Variants in KLK11 observed in about 807,000 individuals in gnomAD.
KLK11 encodes kallikrein related peptidase 11.
In KLK11, 10 loss-of-function variants were observed where a neutral mutation model predicts 23.4. The ratio of observed to expected loss-of-function variants is 0.43; its 90% CI spans 0.26 to 0.73. KLK11 has a LOEUF of 0.73. Ranked by LOEUF, KLK11 falls within the 30% of genes least tolerant of loss-of-function variation. The pLI is 0.22. For synonymous variants in KLK11, 131 were observed against 131.7 expected (o/e 0.99, Z 0.03); for missense variants, 285 against 327.8 (o/e 0.87, Z 1.01).
At chr19:51,026,669 G>C, upstream of KLK11, 2 of 912,546 alleles carry the variant, frequency 2.2e-6, no homozygotes, top group Non-Finnish European at 2.6e-6. Flanking sequence ...GGGCGGCCCT[G>C]GGCGGGCCCA....
upstream of KLK11, chr19:51,027,706 C>A (rs1429464304): frequency 6.7e-6 from 4 of 592,608 alleles, no homozygotes; most frequent in East Asian, 2.9e-5. Flanking sequence ...CTATGACTAC[C>A]CTTATGACGT....
At chr19:51,026,087 A>G (rs1330054682) in intron 1 of KLK11, among the ~76,000 whole-genome samples, 1 of 152,110 alleles carries the variant, frequency 6.6e-6, no homozygotes, top group African/African-American at 2.4e-5. Context: ...ACCGTTCCGT[A>G]GCCACCCCTT....
intron 1 of KLK11, among the ~76,000 whole-genome samples, chr19:51,026,082 T>C: frequency 6.6e-6 from 1 of 152,142 alleles, no homozygotes; most frequent in Admixed American, 6.5e-5. Flanking sequence ...CAGACACCGT[T>C]CCGTAGCCAC....
At chr19:51,023,008 G>T (rs963159768) in intron 5 of KLK11, 84 bp downstream of exon 5, 26 of 1,468,204 alleles carry the variant, frequency 1.8e-5, no homozygotes, top group Non-Finnish European at 2.3e-5. Flanking sequence ...GCGGGTTGAG[G>T]TTGGGGATGA....
In KLK11 at chr19:51,025,586, G is replaced by T; in HGVS notation, c.40+6C>A. On this transcript the variant is annotated splice_donor_region_variant and intron_variant, in intron 2 of 5. Transcript: ENST00000453757. The surrounding 1 kb of genome is among the most constrained non-coding windows in gnomAD (Gnocchi z 6.2). ...GGATCCTGCCCTGCCCCCATCCCCT[G>T]CGTACCTGTTGCCAGAGCAAGCAGG... is the stretch of plus-strand genomic sequence containing the variant. The T allele has an allele frequency of 1.3e-6, 2 of 1,568,696 alleles. No individual in the cohort carries two copies. The highest frequency in any genetic ancestry group is 1.7e-6 in the Non-Finnish European group (2 of 1,154,592).
intron 4 of KLK11, 146 bp from the exon 5 acceptor site, chr19:51,023,374 T>A: frequency 1.2e-6 from 1 of 853,814 alleles, no homozygotes; most frequent in Non-Finnish European, 1.7e-6. Flanking sequence ...GCAACAGCAA[T>A]GCTATCCAGC....
chr19:51,024,599 A>G lies in KLK11; in HGVS notation c.197+39T>C. ...TCTCTCCATCCATCTCCCCATTCCC[A>G]GCCCCCCACCCCGGCACCGCCCCAG... On this transcript the variant is annotated intron_variant, in intron 3 of 5. Transcript: ENST00000453757. This position sits in a 1 kb window ranked among gnomAD's most constrained non-coding sequence, Gnocchi z 6.2. 7.6e-7 allele frequency: 1 copy of G among 1,322,764 alleles called. No individual in the cohort carries two copies. Among genetic ancestry groups the G allele is most frequent in the Non-Finnish European group, 1.0e-6 (1 of 981,612 alleles). The allele number at this position is 1,322,764 out of a possible 1,614,324, so 81.9% of individuals were successfully genotyped here.
chr19:51,024,514 C>A lies in KLK11; in HGVS notation c.197+124G>T. The stretch of plus-strand genomic sequence containing the variant: ...TCAATACCAACTCGAGCCCATCAAC[C>A]TTGCTGACACTACCCATCCCCATCT... On this transcript the variant is annotated intron_variant, in intron 3 of 5. Coordinates refer to ENST00000453757, the MANE Select transcript of KLK11 (RefSeq NM_001136032.3). This position sits in a 1 kb window ranked among gnomAD's most constrained non-coding sequence, Gnocchi z 6.2. 3.9e-6 allele frequency: 5 copies of A among 1,272,882 alleles called. No individual in the cohort carries two copies. In the South Asian group the frequency reaches 7.7e-5, roughly 20 times the overall value. 78.8% of individuals were successfully genotyped at this position (1,272,882 alleles called of 1,614,324 possible).
upstream of KLK11, chr19:51,027,277 G>A (rs761769692): frequency 1.6e-6 from 1 of 631,672 alleles, no homozygotes. Context: ...AGGCACAGGG[G>A]CAGGACCGGA....
At chr19:51,022,945 T>C in intron 5 of KLK11, 147 bp downstream of exon 5, 1 of 995,992 alleles carries the variant, frequency 1.0e-6, no homozygotes, top group Non-Finnish European at 1.5e-6. Context: ...AAGTTTGTGC[T>C]GAGGTCAGAA....
rs2091426680 is a variant in KLK11, at chr19:51,023,128, A to G, written c.564T>C (p.Cys188=). 8 of 1,612,668 alleles carry G rather than the reference A, an allele frequency of 5.0e-6. 1 individual carries two copies. The East Asian group carries it at 1.8e-4, about 36-fold the overall frequency. The change falls in exon 5 of 6, where the codon TGT becomes TGC. Residue 188 remains cysteine, a synonymous_variant. Coordinates refer to ENST00000453757, the MANE Select transcript of KLK11 (RefSeq NM_001136032.3). ...YPGNITDTMV[C]ASVQEGGKDS... is the part of the protein sequence containing the mutation. ...CCTTGCCCCCTTCCTGCACGCTGGC[A>G]CACACCATGGTGTCTGTGATGTTGC...
At position 51,024,240 on chromosome 19, in the gene KLK11, T is replaced by C; in HGVS notation, c.268A>G (p.Thr90Ala). The part of the protein sequence containing the change: ...EEGCEQTRTA[T>A]ESFPHPGFNN... ...AAGCCGGGGTGGGGGAAGGACTCAG[T>C]GGCTGTCCGGGTCTGCTCACAGCCC... Residue 90 changes from threonine (T) to alanine (A), a missense_variant, in exon 4 of 6, where the codon ACT becomes GCT. Thr to Ala is a moderately conservative substitution (Grantham distance 58). Coordinates refer to ENST00000453757, the MANE Select transcript of KLK11 (RefSeq NM_001136032.3). The surrounding 1 kb of genome is among the most constrained non-coding windows in gnomAD (Gnocchi z 6.2). 1 of 1,614,040 alleles carries C rather than the reference T, an allele frequency of 6.2e-7. No individual in the cohort carries two copies. Among genetic ancestry groups the C allele is most frequent in the Non-Finnish European group, 8.5e-7 (1 of 1,179,992 alleles).
In KLK11 at chr19:51,026,544, T is replaced by C; in HGVS notation, c.-42A>G. ...CCTTTCCTCCTGGACTCACAGGCTC[T>C]GGGGCTGGGGCTCTGGGGGCCCAGT... On this transcript the variant is annotated 5_prime_UTR_variant, in exon 1 of 6. Coordinates refer to ENST00000453757, the MANE Select transcript of KLK11 (RefSeq NM_001136032.3). 1.0e-6 allele frequency: 1 copy of C among 986,036 alleles called. No homozygotes were observed. The highest frequency in any genetic ancestry group is 1.2e-6 in the Non-Finnish European group (1 of 829,980). The allele number at this position is 986,036 out of a possible 1,614,324, so 61.1% of individuals were successfully genotyped here.
chr19:51,023,594 A>G (rs1422684375), intron 4 of KLK11: 4 of 225,954 alleles, frequency 1.8e-5, no homozygotes, highest in Non-Finnish European at 3.5e-5. Context: ...CACGTTGGCC[A>G]GGCTGGTATC....
At position 51,026,541 on chromosome 19, in the gene KLK11, C is replaced by A. The variant is rs762066979; in HGVS notation, c.-39G>T. On this transcript the variant is annotated 5_prime_UTR_variant, in exon 1 of 6. Transcript: ENST00000453757. ...TTCCCTTTCCTCCTGGACTCACAGGCTCTGGGGCTGGGGCTCTGGGGGCCC... is the reference window on the plus strand; with the variant it reads ...TTCCCTTTCCTCCTGGACTCACAGGATCTGGGGCTGGGGCTCTGGGGGCCC... The A allele has an allele frequency of 3.4e-4, 331 of 985,940 alleles. No homozygotes were observed. Among genetic ancestry groups the A allele is most frequent in the Non-Finnish European group, 3.9e-4 (327 of 829,976 alleles). 61.1% of individuals were successfully genotyped at this position (985,940 alleles called of 1,614,324 possible).
intron 1 of KLK11, 66 bp downstream of exon 1, chr19:51,026,472 A>G: frequency 1.4e-6 from 1 of 713,882 alleles, no homozygotes; most frequent in Non-Finnish European, 1.7e-6. Context: ...CGAGTGGGAC[A>G]GGTGTCCTTG....
chr19:51,027,293 G>C, upstream of KLK11: 1 of 690,452 alleles, frequency 1.4e-6, no homozygotes, highest in Non-Finnish European at 2.5e-6. Context: ...CCGGAGGGTG[G>C]GGGAGGCAGG....
rs768293022 is a variant in KLK11, at chr19:51,024,629, C to T, written c.197+9G>A. The T allele has an allele frequency of 1.9e-5, 29 of 1,533,420 alleles. 1 individual carries two copies. The highest frequency in any genetic ancestry group is 7.3e-5 in the South Asian group (6 of 81,690). 95.0% of individuals were successfully genotyped at this position (1,533,420 alleles called of 1,614,324 possible). A position where few individuals can be genotyped will look rare whatever the true frequency, so the allele number is the denominator to read the frequency against. On this transcript the variant is annotated intron_variant, in intron 3 of 5. Coordinates refer to ENST00000453757, the MANE Select transcript of KLK11 (RefSeq NM_001136032.3). The surrounding 1 kb of genome is among the most constrained non-coding windows in gnomAD (Gnocchi z 6.2). Reference sequence around the variant, plus strand: ...CCCACCCCGGCACCGCCCCAGCCCCCGCACCCACGGCTTGAGGCAGTGGGC... The same window carrying T: ...CCCACCCCGGCACCGCCCCAGCCCCTGCACCCACGGCTTGAGGCAGTGGGC...
chr19:51,024,472 C>T lies in KLK11; in HGVS notation c.198-162G>A. On this transcript the variant is annotated intron_variant, in intron 3 of 5. Transcript: ENST00000453757. The surrounding 1 kb of genome is among the most constrained non-coding windows in gnomAD (Gnocchi z 6.2). ...CCCAGCCATAGCCCCATCCCAACCCCATTCATCCCCCCACCTTCAATACCA... is the reference window on the plus strand; with the variant it reads ...CCCAGCCATAGCCCCATCCCAACCCTATTCATCCCCCCACCTTCAATACCA... 7.7e-7 allele frequency: 1 copy of T among 1,303,344 alleles called. No individual in the cohort carries two copies. Among genetic ancestry groups the T allele is most frequent in the South Asian group, 1.5e-5 (1 of 67,502 alleles). 80.7% of individuals were successfully genotyped at this position (1,303,344 alleles called of 1,614,324 possible).
Sources: allele counts gnomAD v4.1 joint callset (sites outside exome capture counted in the v4.1 genomes callset), GRCh38; gene constraint gnomAD v4.1.1; non-coding constraint Gnocchi (gnomAD v3.1); transcripts MANE v1.5; gene names NCBI Gene and HGNC (gene_info 2026-07-23, HGNC 2026-07-21).